FAM149A: variants seen among roughly 807,000 people sequenced by gnomAD.
FAM149A encodes family with sequence similarity 149 member A, also known as protein FAM149A.
A neutral mutation model predicts 78.2 loss-of-function variants in FAM149A; 71 were observed. The ratio of observed to expected loss-of-function variants is 0.91; its 90% CI spans 0.75 to 1.11. FAM149A has a LOEUF of 1.11. Ranked by LOEUF, FAM149A falls within the 50% of genes least tolerant of loss-of-function variation. The pLI is 0.00. For missense variants in FAM149A, 1,036 were observed against 971.0 expected (o/e 1.07, Z -0.89); for synonymous variants, 446 against 410.5 (o/e 1.09, Z -1.04).
At chr4:186,108,458 T>G (rs1390890726) in intron 1 of FAM149A, among the ~76,000 whole-genome samples, 3 of 151,402 alleles carry the variant, frequency 2.0e-5, no homozygotes, top group African/African-American at 4.8e-5. Context: ...TTAACTTGAG[T>G]AGGAAAATAT....
intron 1 of FAM149A, chr4:186,131,841 A>C: frequency 1.0e-5 from 10 of 954,760 alleles, no homozygotes; most frequent in Non-Finnish European, 1.2e-5. Flanking sequence ...AGTAAAAGTT[A>C]CACTGCATTA....
chr4:186,153,853 C>T (rs1215024147), intron 5 of FAM149A, 83 bp downstream of exon 5: 2 of 1,456,588 alleles, frequency 1.4e-6, no homozygotes, highest in Non-Finnish European at 1.9e-6. Context: ...ATCTATAAGC[C>T]TTGGCTCCAC....
intron 1 of FAM149A, chr4:186,117,879 C>A: frequency 2.0e-6 from 2 of 978,054 alleles, no homozygotes; most frequent in East Asian, 1.1e-4. Context: ...TCTCCCAAGA[C>A]CGGCAACACA....
chr4:186,138,259 GTGTT>G (rs1472877269), intron 1 of FAM149A, among the ~76,000 whole-genome samples: 1 of 152,062 alleles, frequency 6.6e-6, no homozygotes, highest in Non-Finnish European at 1.5e-5. Flanking sequence ...GTGTGTGTGT[GTGTT>G]TGCATGTGTG....
rs1474946641 is a variant in FAM149A, at chr4:186,149,233, A to G, written c.627A>G (p.Leu209=). Residue 209 remains leucine (L), a synonymous_variant, in exon 2 of 14, where the codon TTA becomes TTG. Coordinates refer to ENST00000389354, the MANE Select transcript of FAM149A (RefSeq NM_001367768.3). Reference sequence around the variant, plus strand: ...TTACTGTGAGGAGCAAAGATTCTTTACCTACGCATTTTACAAGAAATGTGC... The same window carrying G: ...TTACTGTGAGGAGCAAAGATTCTTTGCCTACGCATTTTACAAGAAATGTGC... The G allele has an allele frequency of 1.6e-6, 2 of 1,289,476 alleles. No homozygotes were observed. The highest frequency in any genetic ancestry group is 2.0e-6 in the Non-Finnish European group (2 of 988,666). 79.9% of individuals were successfully genotyped at this position (1,289,476 alleles called of 1,614,324 possible). A position where few individuals can be genotyped will look rare whatever the true frequency, so the allele number is the denominator to read the frequency against.
rs1735678425 is a variant in FAM149A, at chr4:186,175,196, GATATT to G, written c.*3215_*3219del. ...GAAGTACGTTTTTATATATCATTTGGATATTATATTTTTTATTGTTTTATTATAAC... is the reference window on the plus strand; with the variant it reads ...GAAGTACGTTTTTATATATCATTTGGATATTTTTTATTGTTTTATTATAAC... On this transcript the variant is annotated 3_prime_UTR_variant, in exon 14 of 14. Coordinates refer to ENST00000389354, the MANE Select transcript of FAM149A (RefSeq NM_001367768.3). 9.0e-6 allele frequency among the ~76,000 whole-genome samples: 1 copy of G among 110,844 alleles called. No homozygotes were observed. Among genetic ancestry groups the G allele is most frequent in the African/African-American group, 2.8e-5 (1 of 35,462 alleles). 72.7% of individuals were successfully genotyped at this position (110,844 alleles called of 152,430 possible). A position where few individuals can be genotyped will look rare whatever the true frequency, so the allele number is the denominator to read the frequency against.
chr4:186,130,293 C>CTCTCTCTCTCTCTCTCTCTCTCTATA, intron 1 of FAM149A: 98 of 46,554 alleles, frequency 2.1e-3, no homozygotes, highest in Middle Eastern at 0.015. Context: ...CTCTCTCTCT[C>CTCTCTCTCTCTCTCTCTCTCTCTATA]TATATATATA....
intron 13 of FAM149A, 142 bp from the exon 14 acceptor site, chr4:186,171,772 G>T (rs1175993989): frequency 3.3e-6 from 2 of 600,966 alleles, no homozygotes; most frequent in East Asian, 7.0e-5. Flanking sequence ...TTTTGCATAT[G>T]ACTATTTCCT....
At chr4:186,134,001 T>C (rs2099321822) in intron 1 of FAM149A, among the ~76,000 whole-genome samples, 1 of 152,196 alleles carries the variant, frequency 6.6e-6, no homozygotes, top group South Asian at 2.1e-4. Flanking sequence ...AGAAGTGGGA[T>C]TGCTGGATCC....
At chr4:186,114,280 A>C (rs200524044) in intron 1 of FAM149A, among the ~76,000 whole-genome samples, 4,063 of 13,612 alleles carry the variant, frequency 0.3, 436 homozygotes, top group East Asian at 0.47. Flanking sequence ...TTTTGAGCCT[A>C]TGTGTGTCTC....
At chr4:186,131,263 G>A (rs1045271636) in intron 1 of FAM149A, among the ~76,000 whole-genome samples, 7 of 152,120 alleles carry the variant, frequency 4.6e-5, no homozygotes, top group Middle Eastern at 6.8e-3. Flanking sequence ...CAGGAAAATC[G>A]CTTGAACCCA....
chr4:186,170,474 CA>C (rs780935131), intron 13 of FAM149A, among the ~76,000 whole-genome samples: 9 of 152,224 alleles, frequency 5.9e-5, no homozygotes, highest in Non-Finnish European at 1.0e-4. Context: ...ATTTAAAAAA[CA>C]AAACAAGACT....
At chr4:186,143,204 C>G (rs566450207) in intron 1 of FAM149A, among the ~76,000 whole-genome samples, 7 of 124,410 alleles carry the variant, frequency 5.6e-5, no homozygotes, top group Non-Finnish European at 1.1e-4. Flanking sequence ...CTTGCCCAGG[C>G]TGGTCTTGAA....
At chr4:186,167,906 CT>C (rs1038951646) in intron 13 of FAM149A, among the ~76,000 whole-genome samples, 1 of 152,094 alleles carries the variant, frequency 6.6e-6, no homozygotes, top group Non-Finnish European at 1.5e-5. Flanking sequence ...TCAGCTTCCT[CT>C]TTTATAACAA....
intron 1 of FAM149A, chr4:186,125,826 G>T: frequency 8.1e-6 from 8 of 985,222 alleles, no homozygotes; most frequent in Non-Finnish European, 9.6e-6. Context: ...AGGCCAAAAA[G>T]AAATACGAGG....
In FAM149A at chr4:186,144,297, G is replaced by C. The variant is rs1388323043; in HGVS notation, c.567-4876G>C. The C allele has an allele frequency of 6.6e-6, 1 of 152,304 alleles. No homozygotes were observed. The highest frequency in any genetic ancestry group is 2.1e-4 in the South Asian group (1 of 4,836). 9.4% of individuals were successfully genotyped at this position (152,304 alleles called of 1,614,324 possible). ...GGTAACGCAAGCGGCAGGCATGCTC[G>C]GGGTGTGCAGGAGATGCACCGGCTT... On this transcript the variant is annotated intron_variant, in intron 1 of 13. Transcript: ENST00000389354. The surrounding 1 kb of genome is among the most constrained non-coding windows in gnomAD (Gnocchi z 4.2).
chr4:186,159,183 T>A (rs1396528485), intron 8 of FAM149A, among the ~76,000 whole-genome samples: 1 of 151,780 alleles, frequency 6.6e-6, no homozygotes, highest in Non-Finnish European at 1.5e-5. Flanking sequence ...GATACAGAGG[T>A]GAATCCTAGT....
rs10537047 is a variant in FAM149A, at chr4:186,160,780, C to CCA, written c.1576-2044_1576-2043dup. The CCA allele has an allele frequency of 8.0e-4, 738 of 924,636 alleles. No individual in the cohort carries two copies. The East Asian group carries it at 1.0e-2, about 12-fold the overall frequency. 57.3% of individuals were successfully genotyped at this position (924,636 alleles called of 1,614,324 possible). ...CACACACACACCACATCACACCACA[C>CCA]CACACACACACACACACACACATCT... On this transcript the variant is annotated intron_variant, in intron 8 of 13. Coordinates refer to ENST00000389354, the MANE Select transcript of FAM149A (RefSeq NM_001367768.3).
chr4:186,130,311 AT>A lies in FAM149A; in HGVS notation c.567-18861del, dbSNP rs1561393085. Among the ~76,000 whole-genome samples, 32 of 110,650 alleles carry A rather than the reference AT, an allele frequency of 2.9e-4. 1 individual carries two copies. The highest frequency in any genetic ancestry group is 9.5e-4 in the African/African-American group (28 of 29,408). 72.6% of individuals were successfully genotyped at this position (110,650 alleles called of 152,430 possible). A position where few individuals can be genotyped will look rare whatever the true frequency, so the allele number is the denominator to read the frequency against. On this transcript the variant is annotated intron_variant, in intron 1 of 13. Coordinates refer to ENST00000389354, the MANE Select transcript of FAM149A (RefSeq NM_001367768.3). ...TCTCTCTCTATATATATATATATAT[AT>A]ATAATCTATATCGACAGAACTAAAA... is the stretch of plus-strand genomic sequence containing the variant.
Sources: allele counts gnomAD v4.1 joint callset (sites outside exome capture counted in the v4.1 genomes callset), GRCh38; gene constraint gnomAD v4.1.1; non-coding constraint Gnocchi (gnomAD v3.1); transcripts MANE v1.5; gene names NCBI Gene and HGNC (gene_info 2026-07-23, HGNC 2026-07-21).